Variants in CAMKK2 observed in about 807,000 individuals in gnomAD.
The protein encoded by CAMKK2 is calcium/calmodulin-dependent protein kinase kinase 2.
Under a neutral mutation model 67.2 loss-of-function variants are expected in CAMKK2, and 30 were observed. The observed-to-expected ratio is 0.45, with a 90% confidence interval of 0.33 to 0.61. The LOEUF is 0.61. CAMKK2 is among the 20% of genes least tolerant of loss of function. CAMKK2 has a pLI of 0.02. For missense variants in CAMKK2, 643 were observed against 802.0 expected (o/e 0.80, Z 2.39); for synonymous variants, 322 against 326.2 (o/e 0.99, Z 0.14).
At chr12:121,250,607 C>A (rs1890514013) in intron 11 of CAMKK2, among the ~76,000 whole-genome samples, 1 of 152,074 alleles carries the variant, frequency 6.6e-6, no homozygotes, top group South Asian at 2.1e-4. Context: ...AGACAACCCC[C>A]AATGCCGCCA....
intron 2 of CAMKK2, among the ~76,000 whole-genome samples, chr12:121,273,746 A>G (rs1896217289): frequency 6.6e-6 from 1 of 152,056 alleles, no homozygotes; most frequent in African/African-American, 2.4e-5. Context: ...GGGATGACTG[A>G]GGCTGCTGCT....
intron 1 of CAMKK2, among the ~76,000 whole-genome samples, chr12:121,287,426 A>G (rs1898966150): frequency 6.6e-6 from 1 of 151,950 alleles, no homozygotes; most frequent in Non-Finnish European, 1.5e-5. Context: ...AGTCACCGAG[A>G]CTCAGAGAAG....
At chr12:121,261,024 A>G (rs1893345617) in intron 6 of CAMKK2, among the ~76,000 whole-genome samples, 1 of 151,520 alleles carries the variant, frequency 6.6e-6, no homozygotes, top group Non-Finnish European at 1.5e-5. Context: ...TTCAAATCCT[A>G]TCTGGGCTCA....
chr12:121,288,471 C>A (rs1899239391), intron 1 of CAMKK2, among the ~76,000 whole-genome samples: 1 of 152,164 alleles, frequency 6.6e-6, no homozygotes, highest in South Asian at 2.1e-4. Context: ...GCAGAACTGT[C>A]CAGGATGAAC....
intron 16 of CAMKK2, chr12:121,244,126 AG>A: frequency 6.2e-7 from 1 of 1,611,738 alleles, no homozygotes; most frequent in Non-Finnish European, 8.5e-7. Context: ...CTTATTTTCT[AG>A]GTCTAAACAC....
intron 9 of CAMKK2, among the ~76,000 whole-genome samples, chr12:121,255,314 T>TTATATATA (rs1891899046): frequency 1.6e-4 from 1 of 6,116 alleles, no homozygotes; most frequent in Non-Finnish European, 3.3e-4. Context: ...TTATATATAA[T>TTATATATA]TTTATATATA....
In CAMKK2 at chr12:121,273,968, G is replaced by A. The variant is rs540992526; in HGVS notation, c.471+88C>T. The A allele has an allele frequency of 5.1e-4, 539 of 1,061,516 alleles. 2 individuals carry two copies. In the African/African-American group the frequency reaches 7.9e-3, roughly 16 times the overall value. 65.8% of individuals were successfully genotyped at this position (1,061,516 alleles called of 1,614,324 possible). ...AACCGTGGCACTCAGATCCTTCTGG[G>A]GGAGCCCAACCTTCCACAGAGGCCC... On this transcript the variant is annotated intron_variant, in intron 2 of 16. Transcript: ENST00000404169.
intron 5 of CAMKK2, among the ~76,000 whole-genome samples, chr12:121,267,820 C>T (rs1894926940): frequency 6.6e-6 from 1 of 151,928 alleles, no homozygotes; most frequent in African/African-American, 2.4e-5. Flanking sequence ...CAATGCCTCC[C>T]TAAATATCTA....
At chr12:121,294,143 G>T (rs1036066467) in intron 1 of CAMKK2, among the ~76,000 whole-genome samples, 5 of 152,028 alleles carry the variant, frequency 3.3e-5, no homozygotes, top group African/African-American at 1.2e-4. Context: ...ATGTTGGCCA[G>T]GCTGGTCTCG....
At chr12:121,242,806 A>G (rs1228572238) in intron 16 of CAMKK2, among the ~76,000 whole-genome samples, 1 of 151,590 alleles carries the variant, frequency 6.6e-6, no homozygotes, top group Non-Finnish European at 1.5e-5. Flanking sequence ...GCTGTGGCGC[A>G]ATCTCGGCTC....
chr12:121,273,916 A>G (rs528599129), intron 2 of CAMKK2, 140 bp downstream of exon 2: 2 of 650,266 alleles, frequency 3.1e-6, no homozygotes, highest in South Asian at 3.3e-5. Flanking sequence ...GCCGCCCCCA[A>G]GGTTCCCTGG....
intron 7 of CAMKK2, among the ~76,000 whole-genome samples, chr12:121,259,543 T>A (rs1893023422): frequency 6.6e-6 from 1 of 152,222 alleles, no homozygotes; most frequent in South Asian, 2.1e-4. Context: ...TTTGGCATAT[T>A]GTGATTTCTG....
rs1168193315 is a variant in CAMKK2 at position 121,264,957 on chromosome 12, C to T, written c.626-1018G>A. 2.0e-5 allele frequency among the ~76,000 whole-genome samples: 3 copies of T among 148,364 alleles called. No homozygotes were observed. The East Asian group carries it at 5.8e-4, about 29-fold the overall frequency. On this transcript the variant is annotated intron_variant, in intron 5 of 16. Transcript: ENST00000404169. ...ACTGCACTCAGCCTGGGTGACAGAG[C>T]GAGACCCTATCAAAACAAAAAACAA...
At position 121,249,797 on chromosome 12, in the gene CAMKK2, G is replaced by A. The variant is rs201551718; in HGVS notation, c.1313C>T (p.Pro438Leu). ...DKNPESRIVV[P>L]EIKLHPWVTR... is the part of the protein sequence containing the mutation. ...CTGAGCCAAGGGTACCTTGATTTCC[G>A]GCACCACGATCCTCGACTCGGGGTT... The change falls in exon 13 of 17, where the codon CCG (proline) becomes CTG (leucine). Residue 438 changes from proline to leucine, a missense_variant. Transcript: ENST00000404169. The A allele has an allele frequency of 1.9e-5, 30 of 1,613,912 alleles. No individual in the cohort carries two copies. Among genetic ancestry groups the A allele is most frequent in the East Asian group, 2.2e-5 (1 of 44,888 alleles).
chr12:121,252,785 G>A, intron 10 of CAMKK2, 71 bp from the exon 11 acceptor site: 2 of 1,470,560 alleles, frequency 1.4e-6, no homozygotes, highest in Admixed American at 1.8e-5. Flanking sequence ...TTTTCCTTTG[G>A]GGAACCACCT....
chr12:121,266,895 G>A (rs1201144857), intron 5 of CAMKK2, among the ~76,000 whole-genome samples: 5 of 152,068 alleles, frequency 3.3e-5, no homozygotes, highest in Non-Finnish European at 4.4e-5. Context: ...CTCACCTGCA[G>A]CCTATCATCT....
In CAMKK2 at chr12:121,240,304, AC is replaced by A; in HGVS notation, c.*394del. ...GCAGCAACCACCTCCATGGCCTCAGACCGCCGGAGTTTTCTGCTCGCCTTTC... is the reference window on the plus strand; with the variant it reads ...GCAGCAACCACCTCCATGGCCTCAGACGCCGGAGTTTTCTGCTCGCCTTTC... On this transcript the variant is annotated 3_prime_UTR_variant, in exon 17 of 17. Coordinates refer to ENST00000404169, the MANE Select transcript of CAMKK2 (RefSeq NM_001270485.2). This position sits in a 1 kb window ranked among gnomAD's most constrained non-coding sequence, Gnocchi z 4.4. The A allele has an allele frequency of 1.2e-6, 1 of 819,876 alleles. No homozygotes were observed. The highest frequency in any genetic ancestry group is 1.7e-5 in the African/African-American group (1 of 57,878). The allele number at this position is 819,876 out of a possible 1,614,324, so 50.8% of individuals were successfully genotyped here. A position where few individuals can be genotyped will look rare whatever the true frequency, so the allele number is the denominator to read the frequency against.
At chr12:121,250,251 G>A (rs1215425677) in intron 11 of CAMKK2, among the ~76,000 whole-genome samples, 3 of 152,096 alleles carry the variant, frequency 2.0e-5, no homozygotes, top group Non-Finnish European at 4.4e-5. Flanking sequence ...TGGCCCTCTC[G>A]AAGGGCTAGA....
intron 1 of CAMKK2, among the ~76,000 whole-genome samples, chr12:121,287,472 G>A (rs767591342): frequency 6.6e-6 from 1 of 151,908 alleles, no homozygotes; most frequent in Admixed American, 6.6e-5. Flanking sequence ...CAGCAGGCTC[G>A]CAGTTGGGCC....
Sources: gnomAD v4.1 joint callset for allele counts (sites outside exome capture counted in the v4.1 genomes callset) on GRCh38, gnomAD v4.1.1 for gene constraint, Gnocchi (gnomAD v3.1) non-coding constraint, MANE v1.5 for transcripts, NCBI Gene and HGNC (gene_info 2026-07-23, HGNC 2026-07-21) for gene names.